DNAH7: variants seen among roughly 807,000 people sequenced by gnomAD.
DNAH7 encodes dynein axonemal heavy chain 7.
In DNAH7, 397 loss-of-function variants were observed where a neutral mutation model predicts 444.6. The ratio of observed to expected loss-of-function variants is 0.89; its 90% CI spans 0.82 to 0.97. The LOEUF is 0.97. DNAH7 is among the 50% of genes least tolerant of loss of function. The probability of loss-of-function intolerance (pLI) is 0.00; values close to 1 mark genes in which losing one functional copy is unlikely to be tolerated. For synonymous variants in DNAH7, 1,636 were observed against 1,624.4 expected, an observed-to-expected ratio of 1.01 and a Z score of -0.17; for missense variants, 4,902 against 4,800.8, an observed-to-expected ratio of 1.02 and a Z score of -0.62.
intron 1 of DNAH7, among the ~76,000 whole-genome samples, chr2:196,064,344 TAAA>T (rs1371351681): frequency 6.8e-5 from 7 of 103,432 alleles, no homozygotes; most frequent in Admixed American, 1.1e-4. Flanking sequence ...AATAAATAAA[TAAA>T]TAATAAATAA....
chr2:195,744,414 G>A (rs1214651178), intron 63 of DNAH7, among the ~76,000 whole-genome samples: 15 of 151,976 alleles, frequency 9.9e-5, no homozygotes, highest in Admixed American at 7.2e-4. Context: ...CCTACCTCTG[G>A]GGGCAGGGCA....
intron 41 of DNAH7, among the ~76,000 whole-genome samples, chr2:195,863,302 A>C (rs1700129986): frequency 6.6e-6 from 1 of 152,242 alleles, no homozygotes; most frequent in Non-Finnish European, 1.5e-5. Flanking sequence ...ATAAATGCTT[A>C]TCTGTCAAAA....
intron 7 of DNAH7, among the ~76,000 whole-genome samples, chr2:196,025,950 A>T (rs1156454072): frequency 6.6e-6 from 1 of 152,180 alleles, no homozygotes; most frequent in Non-Finnish European, 1.5e-5. Context: ...TACAGATTCC[A>T]AGGCCCTGAC....
intron 19 of DNAH7, among the ~76,000 whole-genome samples, chr2:195,942,410 G>T (rs1289308145): frequency 6.7e-6 from 1 of 149,952 alleles, no homozygotes; most frequent in Non-Finnish European, 1.5e-5. Flanking sequence ...AAGATGAAGA[G>T]GAGGAAGAGG....
At chr2:196,047,738 C>T (rs1374926471) in intron 4 of DNAH7, among the ~76,000 whole-genome samples, 2 of 150,724 alleles carry the variant, frequency 1.3e-5, no homozygotes, top group Non-Finnish European at 3.0e-5. Context: ...GATTAATATA[C>T]TAATAAAATT....
chr2:196,058,130 A>G lies in DNAH7; in HGVS notation c.16-14T>C. 6.4e-7 allele frequency: 1 copy of G among 1,569,074 alleles called. No individual in the cohort carries two copies. Among genetic ancestry groups the G allele is most frequent in the East Asian group, 2.3e-5 (1 of 44,162 alleles). ...GGCCGATTTATCCTGTATGAAAAAC[A>G]TGAAAAAACAAAACTGTTTACTCCG... On this transcript the variant is annotated splice_polypyrimidine_tract_variant and intron_variant, in intron 1 of 64. Coordinates refer to ENST00000312428, the MANE Select transcript of DNAH7 (RefSeq NM_018897.3).
intron 27 of DNAH7, chr2:195,902,198 C>T (rs192380547): frequency 2.6e-5 from 4 of 152,012 alleles, no homozygotes; most frequent in Admixed American, 2.0e-4. Context: ...GAGAACAATT[C>T]GAAGATTTGT....
intron 40 of DNAH7, 51 bp from the exon 41 acceptor site, chr2:195,865,072 A>G (rs768555133): frequency 8.6e-6 from 13 of 1,506,246 alleles, no homozygotes; most frequent in Admixed American, 4.5e-5. Flanking sequence ...GATTTTTAAG[A>G]AAGTGTTATT....
intron 60 of DNAH7, among the ~76,000 whole-genome samples, chr2:195,775,256 C>T (rs1451801042): frequency 6.6e-6 from 1 of 152,196 alleles, no homozygotes; most frequent in Non-Finnish European, 1.5e-5. Flanking sequence ...TGCGCTTATG[C>T]ACTCTCCAGG....
At chr2:195,978,293 TCTTG>T (rs1692335565) in intron 15 of DNAH7, among the ~76,000 whole-genome samples, 3 of 152,248 alleles carry the variant, frequency 2.0e-5, no homozygotes, top group South Asian at 2.1e-4. Flanking sequence ...TTTTCTTTTT[TCTTG>T]CTTATTTGTT....
At chr2:195,920,741 C>T (rs1687970402) in intron 24 of DNAH7, among the ~76,000 whole-genome samples, 1 of 152,186 alleles carries the variant, frequency 6.6e-6, no homozygotes, top group Non-Finnish European at 1.5e-5. Flanking sequence ...AACTAAAAAG[C>T]TTCTGCACAT....
intron 5 of DNAH7, among the ~76,000 whole-genome samples, chr2:196,046,934 G>A (rs550360823): frequency 2.4e-4 from 36 of 152,306 alleles, no homozygotes; most frequent in Non-Finnish European, 5.0e-4. Context: ...CTGAAACAGT[G>A]AGACCCAGGT....
At position 196,019,641 on chromosome 2, in the gene DNAH7, A is replaced by G. The variant is rs371765425; in HGVS notation, c.744-346T>C. 1.8e-4 allele frequency among the ~76,000 whole-genome samples: 27 copies of G among 152,326 alleles called. No individual in the cohort carries two copies. In the East Asian group the frequency reaches 4.4e-3, roughly 25 times the overall value. On this transcript the variant is annotated intron_variant, in intron 8 of 64. Coordinates refer to ENST00000312428, the MANE Select transcript of DNAH7 (RefSeq NM_018897.3). The stretch of plus-strand genomic sequence containing the variant: ...TCATAAACATCTTCAAAGATTCTCT[A>G]CTAATTTCAGGACATACATTTAAAT...
At chr2:195,765,893 G>A (rs1057385107) in intron 61 of DNAH7, among the ~76,000 whole-genome samples, 40 of 151,970 alleles carry the variant, frequency 2.6e-4, no homozygotes, top group Non-Finnish European at 4.4e-4. Flanking sequence ...CCAAAGAAAG[G>A]AAATCAGTAT....
chr2:195,947,827 T>C (rs1461506409), intron 19 of DNAH7, among the ~76,000 whole-genome samples: 1 of 152,152 alleles, frequency 6.6e-6, no homozygotes, highest in African/African-American at 2.4e-5. Flanking sequence ...GATTGCTGGG[T>C]CAAATGGTAT....
chr2:195,983,247 T>C (rs984670107), intron 15 of DNAH7, among the ~76,000 whole-genome samples: 9 of 152,168 alleles, frequency 5.9e-5, no homozygotes, highest in Non-Finnish European at 8.8e-5. Context: ...TTAACATTAT[T>C]TTATTTGCCA....
chr2:195,877,216 A>C (rs1251194460), intron 36 of DNAH7, among the ~76,000 whole-genome samples: 4 of 152,158 alleles, frequency 2.6e-5, no homozygotes, highest in Non-Finnish European at 2.9e-5. Context: ...TTCCCTGAGG[A>C]GCTCTTCAAA....
chr2:195,947,135 A>C (rs1689866062), intron 19 of DNAH7, among the ~76,000 whole-genome samples: 1 of 147,898 alleles, frequency 6.8e-6, no homozygotes, highest in African/African-American at 2.5e-5. Flanking sequence ...TATATTATAT[A>C]TCTACATAAT....
intron 46 of DNAH7, 42 bp from the exon 47 acceptor site, chr2:195,845,207 G>A (rs772366064): frequency 9.2e-6 from 14 of 1,526,634 alleles, no homozygotes; most frequent in Non-Finnish European, 1.2e-5. Context: ...GAGACTGGAG[G>A]TTATCAAAAG....
Sources: allele counts gnomAD v4.1 joint callset (sites outside exome capture counted in the v4.1 genomes callset), GRCh38; gene constraint gnomAD v4.1.1; transcripts MANE v1.5; gene names NCBI Gene and HGNC (gene_info 2026-07-23, HGNC 2026-07-21).